ANK2: variants seen among roughly 807,000 people sequenced by gnomAD.
ANK2 encodes ankyrin 2.
ANK2 carries 83 observed loss-of-function variants against 360.5 expected under a neutral mutation model. That is an observed-to-expected ratio of 0.23 (90% confidence interval 0.19 to 0.28). The LOEUF is 0.28. Ranked by LOEUF, ANK2 falls within the 10% of genes least tolerant of loss-of-function variation. ANK2 has a pLI of 1.00. For synonymous variants in ANK2, 1,740 were observed against 1,759.5 expected (o/e 0.99, Z 0.28); for missense variants, 4,201 against 4,795.7 (o/e 0.88, Z 3.66).
chr4:113,287,838 T>C lies in ANK2; in HGVS notation c.2178+135T>C, dbSNP rs750356735. On this transcript the variant is annotated intron_variant, in intron 19 of 45. Transcript: ENST00000357077. The stretch of plus-strand genomic sequence containing the variant: ...CTGAAATATAAACTAATCATAACCC[T>C]CTCCTATGCACAAATCTATGGTGGC... The C allele has an allele frequency of 2.8e-4, 215 of 772,154 alleles. 1 individual carries two copies. The Middle Eastern group carries it at 2.8e-3, about 10-fold the overall frequency. The allele number at this position is 772,154 out of a possible 1,614,324, so 47.8% of individuals were successfully genotyped here. A position where few individuals can be genotyped will look rare whatever the true frequency, so the allele number is the denominator to read the frequency against.
chr4:112,725,117 TA>T, the ANK2 span, among the ~76,000 whole-genome samples: 1 of 151,224 alleles, frequency 6.6e-6, no homozygotes, highest in African/African-American at 2.4e-5. Flanking sequence ...CTGTCTCTAC[TA>T]AAATACAAAA....
At chr4:112,762,642 T>C in the ANK2 span, among the ~76,000 whole-genome samples, 6 of 152,178 alleles carry the variant, frequency 3.9e-5, no homozygotes, top group Non-Finnish European at 7.3e-5. Context: ...CCAGAATAGC[T>C]GGGACTACAG....
chr4:113,064,414 A>G (rs1013110532), intron 1 of ANK2, among the ~76,000 whole-genome samples: 3 of 152,194 alleles, frequency 2.0e-5, no homozygotes, highest in Non-Finnish European at 4.4e-5. Context: ...GAGCATACAC[A>G]TAACAGCAGG....
chr4:113,231,273 C>T (rs903772890), intron 4 of ANK2, among the ~76,000 whole-genome samples: 2 of 151,980 alleles, frequency 1.3e-5, no homozygotes, highest in Non-Finnish European at 2.9e-5. Context: ...AGGCTGGTCT[C>T]GAACTCCTGA....
intron 4 of ANK2, among the ~76,000 whole-genome samples, chr4:113,200,875 CGGGGCCTGTCAGGGGGT>C (rs1355744877): frequency 8.5e-6 from 1 of 118,272 alleles, no homozygotes; most frequent in African/African-American, 3.2e-5. Flanking sequence ...CATCACACGC[CGGGGCCTGTCAGGGGGT>C]GGGGGGCTAG....
chr4:113,161,794 A>G (rs1246604753), intron 1 of ANK2, among the ~76,000 whole-genome samples: 1 of 152,028 alleles, frequency 6.6e-6, no homozygotes, highest in East Asian at 1.9e-4. Context: ...ATTTCATTAA[A>G]TATGTTGATG....
chr4:113,198,545 G>A (rs1009087349), intron 3 of ANK2, among the ~76,000 whole-genome samples: 1 of 152,060 alleles, frequency 6.6e-6, no homozygotes, highest in African/African-American at 2.4e-5. Flanking sequence ...ATATTCTCAA[G>A]TGCCCCAGTA....
At chr4:113,060,468 G>A (rs1246168879) in intron 1 of ANK2, among the ~76,000 whole-genome samples, 1 of 151,932 alleles carries the variant, frequency 6.6e-6, no homozygotes, top group Non-Finnish European at 1.5e-5. Flanking sequence ...AACCCTTCCT[G>A]CTTGAATCTA....
chr4:112,886,726 C>G (rs1020414898), intron 1 of ANK2, among the ~76,000 whole-genome samples: 1 of 152,024 alleles, frequency 6.6e-6, no homozygotes, highest in Non-Finnish European at 1.5e-5. Context: ...TAAAATTGAT[C>G]CGGATGGAGC....
At chr4:112,799,065 A>G in the ANK2 span, among the ~76,000 whole-genome samples, 1 of 152,200 alleles carries the variant, frequency 6.6e-6, no homozygotes, top group Admixed American at 6.5e-5. Flanking sequence ...ATGGAGTCAC[A>G]CTATTTGTCC....
the ANK2 span, among the ~76,000 whole-genome samples, chr4:112,736,513 A>C: frequency 7.2e-5 from 11 of 152,110 alleles, no homozygotes; most frequent in African/African-American, 2.7e-4. Flanking sequence ...AATTTAACAA[A>C]TCAGTTCTCC....
Position 113,353,480 on chromosome 4 carries a change from T to C in ANK2, c.4862T>C (p.Ile1621Thr). ...ITEYPCVEVRIDKEIKGKVEK... is the reference protein window; with the variant it reads ...ITEYPCVEVRTDKEIKGKVEK... ...GAATATCCATGTGTAGAAGTTAGAA[T>C]AGATAAAGAGATCAAAGGAAAAGTA... Residue 1621 changes from isoleucine to threonine, a missense_variant, in exon 38 of 46, where the codon ATA (isoleucine) becomes ACA (threonine). Physicochemically the swap from Ile to Thr is moderately conservative, Grantham distance 89 (BLOSUM62 -1). Transcript: ENST00000357077. The C allele has an allele frequency of 1.9e-6, 3 of 1,613,988 alleles. No individual in the cohort carries two copies. The highest frequency in any genetic ancestry group is 2.5e-6 in the Non-Finnish European group (3 of 1,179,948).
Position 113,199,075 on chromosome 4 carries a change from T to C in ANK2, c.350T>C (p.Val117Ala), listed in dbSNP as rs892879418. ...AGQAEVVKVL[V>A]KEGANINAQS... ...CAAGCAGAAGTTGTCAAAGTTCTTG[T>C]TAAGGAAGGAGCCAATATTAATGCA... Residue 117 changes from valine to alanine, a missense_variant, in exon 4 of 46, where the codon GTT (valine) becomes GCT (alanine). Physicochemically the swap from Val to Ala is moderately conservative, Grantham distance 64. Transcript: ENST00000357077. 6.2e-7 allele frequency: 1 copy of C among 1,613,224 alleles called. No homozygotes were observed. The highest frequency in any genetic ancestry group is 8.5e-7 in the Non-Finnish European group (1 of 1,179,348).
At chr4:113,308,365 T>C (rs974403229) in intron 23 of ANK2, among the ~76,000 whole-genome samples, 30 of 152,186 alleles carry the variant, frequency 2.0e-4, no homozygotes, top group African/African-American at 7.0e-4. Context: ...GAGATGCTTA[T>C]AGAAAATTTA....
At chr4:113,167,016 T>A (rs2097773697) in intron 1 of ANK2, among the ~76,000 whole-genome samples, 1 of 152,176 alleles carries the variant, frequency 6.6e-6, no homozygotes, top group Non-Finnish European at 1.5e-5. Context: ...AGAACAAAAC[T>A]CTATGTATTT....
At chr4:112,917,512 G>T (rs998035053) in intron 2 of ANK2, among the ~76,000 whole-genome samples, 2 of 152,168 alleles carry the variant, frequency 1.3e-5, no homozygotes, top group African/African-American at 4.8e-5. Context: ...AGTTCATGAG[G>T]GACCTTTATT....
At chr4:113,030,181 A>G (rs2060100595) in intron 2 of ANK2, among the ~76,000 whole-genome samples, 1 of 152,110 alleles carries the variant, frequency 6.6e-6, no homozygotes, top group Non-Finnish European at 1.5e-5. Flanking sequence ...ATCAGAAAAG[A>G]GTCAATTGTT....
intron 13 of ANK2, among the ~76,000 whole-genome samples, chr4:113,262,529 CTTGTT>C (rs2053533716): frequency 6.6e-6 from 1 of 152,018 alleles, no homozygotes; most frequent in Non-Finnish European, 1.5e-5. Flanking sequence ...TGCAACTGGT[CTTGTT>C]TTGTTTTGTT....
the ANK2 span, among the ~76,000 whole-genome samples, chr4:112,765,502 G>A: frequency 1.3e-5 from 2 of 152,164 alleles, no homozygotes; most frequent in African/African-American, 2.4e-5. Context: ...GCTATAGGTG[G>A]CCTCAAGCAT....
Sources: allele counts gnomAD v4.1 joint callset (sites outside exome capture counted in the v4.1 genomes callset), GRCh38; gene constraint gnomAD v4.1.1; transcripts MANE v1.5; gene names NCBI Gene and HGNC (gene_info 2026-07-23, HGNC 2026-07-21).